Variants in ST8SIA6 observed in about 807,000 individuals in gnomAD.
ST8SIA6 encodes ST8 alpha-N-acetyl-neuraminide alpha-2,8-sialyltransferase 6.
In ST8SIA6, 39 loss-of-function variants were observed where a neutral mutation model predicts 33.6. That is an observed-to-expected ratio of 1.16 (90% CI 0.90 to 1.52). The LOEUF (loss-of-function observed/expected upper bound fraction) is 1.52. Among genes scored for constraint, ST8SIA6 ranks in the 40% most tolerant of loss-of-function variants. ST8SIA6 has a pLI of 0.00. For synonymous variants in ST8SIA6, 172 were observed against 167.2 expected (o/e 1.03, Z -0.22); for missense variants, 441 against 443.8 (o/e 0.99, Z 0.06).
At chr10:17,417,160 A>G (rs1183892975) in intron 2 of ST8SIA6, among the ~76,000 whole-genome samples, 1 of 152,118 alleles carries the variant, frequency 6.6e-6, no homozygotes, top group Non-Finnish European at 1.5e-5. Context: ...AGAGAGAGAG[A>G]GGAGACAGTG....
chr10:17,379,603 G>GT (rs1850058071), intron 3 of ST8SIA6, among the ~76,000 whole-genome samples: 1 of 152,170 alleles, frequency 6.6e-6, no homozygotes, highest in African/African-American at 2.4e-5. Context: ...GAATGCAACC[G>GT]TTTGTCTCTC....
intron 4 of ST8SIA6, among the ~76,000 whole-genome samples, chr10:17,357,062 C>A (rs1476512245): frequency 6.6e-6 from 1 of 152,090 alleles, no homozygotes; most frequent in African/African-American, 2.4e-5. Context: ...CTGCTCCTAT[C>A]GGGCATCTAA....
intron 3 of ST8SIA6, among the ~76,000 whole-genome samples, chr10:17,374,725 AATAAATAAATAAATAAATAAATAATAAAT>A (rs1229069277): frequency 1.1e-5 from 1 of 90,872 alleles, no homozygotes. Flanking sequence ...AAAATAAATA[AATAAATAAATAAATAAATAAATAATAAAT>A]ATATATATAT....
intron 2 of ST8SIA6, among the ~76,000 whole-genome samples, chr10:17,428,121 G>C (rs1336374236): frequency 6.6e-6 from 1 of 152,228 alleles, no homozygotes; most frequent in Non-Finnish European, 1.5e-5. Context: ...ACTAAAGTGA[G>C]TGACCAAATC....
At chr10:17,397,875 A>G (rs1274696490) in intron 2 of ST8SIA6, among the ~76,000 whole-genome samples, 1 of 152,234 alleles carries the variant, frequency 6.6e-6, no homozygotes, top group Non-Finnish European at 1.5e-5. Flanking sequence ...CAGTTCTGCT[A>G]TCACTGTTAT....
At chr10:17,352,151 A>T (rs978369787) in intron 4 of ST8SIA6, among the ~76,000 whole-genome samples, 1 of 152,202 alleles carries the variant, frequency 6.6e-6, no homozygotes, top group Non-Finnish European at 1.5e-5. Context: ...TTATTCCATA[A>T]ATAGATACAA....
At chr10:17,343,738 G>A (rs956409736) in intron 4 of ST8SIA6, among the ~76,000 whole-genome samples, 3 of 152,172 alleles carry the variant, frequency 2.0e-5, no homozygotes, top group Non-Finnish European at 1.5e-5. Flanking sequence ...ATGCAAACAC[G>A]TGATCAGAGG....
intron 2 of ST8SIA6, chr10:17,413,627 C>T (rs768743204): frequency 2.0e-5 from 3 of 152,130 alleles, no homozygotes; most frequent in Non-Finnish European, 4.4e-5. Flanking sequence ...ACCATTTTGA[C>T]AAGGGAATGG....
At chr10:17,440,778 T>G (rs1852457322) in intron 2 of ST8SIA6, among the ~76,000 whole-genome samples, 1 of 152,190 alleles carries the variant, frequency 6.6e-6, no homozygotes, top group African/African-American at 2.4e-5. Flanking sequence ...CATGTCACGG[T>G]GGCATTGCTA....
chr10:17,354,686 A>G (rs1849137969), intron 4 of ST8SIA6, among the ~76,000 whole-genome samples: 1 of 152,156 alleles, frequency 6.6e-6, no homozygotes, highest in Admixed American at 6.6e-5. Flanking sequence ...TGGGATAACC[A>G]TGCCATCTTG....
rs148599042 is a variant in ST8SIA6 at position 17,413,819 on chromosome 10, G to T, written c.201-23199C>A. The stretch of plus-strand genomic sequence containing the variant: ...TATCTTCTACATTACTTTAGTTACT[G>T]TAAGACTGATAACTCACATTGTCGT... On this transcript the variant is annotated intron_variant, in intron 2 of 7. Transcript: ENST00000377602. Among the ~76,000 whole-genome samples, 7 of 152,272 alleles carry T rather than the reference G, an allele frequency of 4.6e-5. No homozygotes were observed. In the East Asian group the frequency reaches 1.3e-3, roughly 29 times the overall value.
intron 3 of ST8SIA6, among the ~76,000 whole-genome samples, chr10:17,383,422 T>C (rs1850227690): frequency 6.6e-6 from 1 of 152,232 alleles, no homozygotes; most frequent in Non-Finnish European, 1.5e-5. Context: ...AATATGTTAT[T>C]GATATGTGTT....
At chr10:17,424,770 G>A (rs1300835557) in intron 2 of ST8SIA6, among the ~76,000 whole-genome samples, 6 of 150,156 alleles carry the variant, frequency 4.0e-5, no homozygotes, top group Admixed American at 6.6e-5. Flanking sequence ...CAGAGTCTCG[G>A]TCACCCAGGC....
chr10:17,345,925 A>C (rs992308909), intron 4 of ST8SIA6, among the ~76,000 whole-genome samples: 1 of 152,196 alleles, frequency 6.6e-6, no homozygotes, highest in African/African-American at 2.4e-5. Flanking sequence ...AATGAAACCT[A>C]AAATTCCTCC....
intron 3 of ST8SIA6, among the ~76,000 whole-genome samples, chr10:17,384,645 T>A (rs937871160): frequency 4.5e-4 from 69 of 152,348 alleles, no homozygotes; most frequent in African/African-American, 1.6e-3. Context: ...TTTTCATTTT[T>A]TTTTCCAGTT....
chr10:17,369,759 G>T (rs1311626334), intron 3 of ST8SIA6, among the ~76,000 whole-genome samples: 1 of 152,028 alleles, frequency 6.6e-6, no homozygotes, highest in Non-Finnish European at 1.5e-5. Flanking sequence ...TATTGCTAAT[G>T]GATGACCTTT....
At chr10:17,345,866 T>C (rs1457224931) in intron 4 of ST8SIA6, among the ~76,000 whole-genome samples, 1 of 152,174 alleles carries the variant, frequency 6.6e-6, no homozygotes, top group Non-Finnish European at 1.5e-5. Flanking sequence ...GACACAGTGT[T>C]GCAGTGGCCA....
At chr10:17,432,475 C>T (rs555153532) in intron 2 of ST8SIA6, among the ~76,000 whole-genome samples, 2 of 151,480 alleles carry the variant, frequency 1.3e-5, no homozygotes, top group Non-Finnish European at 2.9e-5. Context: ...AGACTACCTG[C>T]GTTTATGATA....
At chr10:17,421,066 C>G (rs1233556260) in intron 2 of ST8SIA6, among the ~76,000 whole-genome samples, 1 of 152,206 alleles carries the variant, frequency 6.6e-6, no homozygotes, top group Non-Finnish European at 1.5e-5. Context: ...CCACCAGGCT[C>G]CTCCCCTGAT....
Sources: gnomAD v4.1 joint callset for allele counts (sites outside exome capture counted in the v4.1 genomes callset) on GRCh38, gnomAD v4.1.1 for gene constraint, MANE v1.5 for transcripts, NCBI Gene and HGNC (gene_info 2026-07-23, HGNC 2026-07-21) for gene names.